POTEG: variants seen among roughly 807,000 people sequenced by gnomAD.
POTEG encodes the protein POTE ankyrin domain family member G, also known as ANKRD26-like family C member 2.
In POTEG, 2 loss-of-function variants were observed where a neutral mutation model predicts 49.6. The observed-to-expected ratio is 0.04, with a 90% CI of 0.02 to 0.13. POTEG has a LOEUF of 0.13. POTEG is among the 10% of genes least tolerant of loss of function. The probability of loss-of-function intolerance (pLI) is 1.00; values close to 1 mark genes in which losing one functional copy is unlikely to be tolerated. For missense variants in POTEG, 26 were observed against 545.2 expected (o/e 0.05, Z 9.48); for synonymous variants, 7 against 186.6 (o/e 0.04, Z 7.84).
At chr14:19,432,431 C>CGT (rs1491238441) in intron 1 of POTEG, among the ~76,000 whole-genome samples, 1 of 19,302 alleles carries the variant, frequency 5.2e-5, no homozygotes, top group African/African-American at 2.2e-4. Context: ...TATGTATATA[C>CGT]GTATATATAT....
intron 1 of POTEG, among the ~76,000 whole-genome samples, chr14:19,432,400 A>C (rs1884180331): frequency 1.1e-5 from 1 of 91,870 alleles, no homozygotes. Context: ...ATATATATAT[A>C]TATACACACA....
chr14:19,406,656 C>T (rs1883302271), intron 9 of POTEG, among the ~76,000 whole-genome samples: 1 of 150,260 alleles, frequency 6.7e-6, no homozygotes, highest in Admixed American at 6.7e-5. Flanking sequence ...ACAACCTATA[C>T]AATGGGAAGA....
At chr14:19,407,254 ATATATATATCACATATACGTATGTGTG>A in intron 9 of POTEG, among the ~76,000 whole-genome samples, 1 of 139,276 alleles carries the variant, frequency 7.2e-6, no homozygotes, top group South Asian at 2.4e-4. Flanking sequence ...CTCACATCAC[ATATATATATCACATATACGTATGTGTG>A]TATATACACT....
chr14:19,415,519 T>C (rs1883519753), intron 7 of POTEG, among the ~76,000 whole-genome samples: 1 of 148,008 alleles, frequency 6.8e-6, no homozygotes, highest in African/African-American at 2.4e-5. Flanking sequence ...GGACCATCAG[T>C]GTTACATTGT....
chr14:19,425,535 C>A, intron 4 of POTEG, 71 bp downstream of exon 4: 1 of 614,068 alleles, frequency 1.6e-6, no homozygotes, highest in East Asian at 5.5e-5. Context: ...ATACATTAAT[C>A]TTATTTAATA....
chr14:19,432,566 T>C (rs1884207174), intron 1 of POTEG, among the ~76,000 whole-genome samples: 1 of 86,382 alleles, frequency 1.2e-5, no homozygotes, highest in Non-Finnish European at 2.3e-5. Flanking sequence ...TTTTAATCTA[T>C]ACTCTGATTT....
At chr14:19,432,401 TATAC>T (rs1256071777) in intron 1 of POTEG, among the ~76,000 whole-genome samples, 9 of 69,366 alleles carry the variant, frequency 1.3e-4, no homozygotes, top group Non-Finnish European at 2.1e-4. Flanking sequence ...TATATATATA[TATAC>T]ACACACATGT....
At chr14:19,424,844 T>TA in intron 4 of POTEG, 3 of 43,500 alleles carry the variant, frequency 6.9e-5, no homozygotes, top group Non-Finnish European at 1.8e-4. Context: ...TTCTCCTAAT[T>TA]TTCATATATG....
chr14:19,415,151 A>G (rs1245677414), intron 7 of POTEG, among the ~76,000 whole-genome samples: 1 of 144,966 alleles, frequency 6.9e-6, no homozygotes, highest in East Asian at 2.0e-4. Flanking sequence ...ATTTTAATTG[A>G]AATTATATAC....
intron 6 of POTEG, among the ~76,000 whole-genome samples, chr14:19,418,849 G>A (rs1330678510): frequency 1.3e-4 from 4 of 29,708 alleles, no homozygotes; most frequent in South Asian, 3.9e-3. Context: ...TCATATTGAC[G>A]ATACCTCTCT....
Position 19,425,590 on chromosome 14 carries a change from A to G in POTEG, c.917+16T>C. 2.8e-6 allele frequency: 2 copies of G among 715,854 alleles called. No homozygotes were observed. Among genetic ancestry groups the G allele is most frequent in the African/African-American group, 3.8e-5 (2 of 53,322 alleles). 44.3% of individuals were successfully genotyped at this position (715,854 alleles called of 1,614,324 possible). ...CTATCCATCTGGAACACACAGATTA[A>G]AAGAAAGAACTATACCTTCCATATC... On this transcript the variant is annotated intron_variant, in intron 4 of 10. Coordinates refer to ENST00000547848, the MANE Select transcript of POTEG (RefSeq NM_001005356.3).
intron 1 of POTEG, among the ~76,000 whole-genome samples, chr14:19,433,231 A>G (rs1884234991): frequency 7.2e-6 from 1 of 139,368 alleles, no homozygotes; most frequent in Admixed American, 7.6e-5. Flanking sequence ...CCAGCCAAAA[A>G]GCTCACATCT....
chr14:19,418,977 T>A (rs1285107785), intron 6 of POTEG, among the ~76,000 whole-genome samples: 12 of 78,972 alleles, frequency 1.5e-4, no homozygotes, highest in African/African-American at 2.5e-4. Context: ...AAAATTAAGC[T>A]AAACAAATGA....
chr14:19,410,017 CA>C (rs1477399963), intron 9 of POTEG, among the ~76,000 whole-genome samples: 1 of 126,414 alleles, frequency 7.9e-6, no homozygotes, highest in African/African-American at 2.6e-5. Flanking sequence ...GACACATACT[CA>C]GCGTGAAATG....
intron 7 of POTEG, among the ~76,000 whole-genome samples, chr14:19,415,383 C>A (rs1260524612): frequency 2.8e-5 from 4 of 144,802 alleles, no homozygotes; most frequent in Non-Finnish European, 6.2e-5. Context: ...TGACCTGGTT[C>A]CCTCCCTGAA....
chr14:19,415,744 T>C (rs1169147973), intron 7 of POTEG, among the ~76,000 whole-genome samples: 1 of 152,050 alleles, frequency 6.6e-6, no homozygotes, highest in African/African-American at 2.4e-5. Context: ...TGAAGTTAAA[T>C]ATCAAATATT....
intron 7 of POTEG, among the ~76,000 whole-genome samples, chr14:19,415,361 G>A (rs1366796316): frequency 6.9e-6 from 1 of 144,298 alleles, no homozygotes; most frequent in Admixed American, 6.9e-5. Context: ...ATAGGCAGTT[G>A]GGTTGCTTTT....
chr14:19,432,403 T>TACATACACACAC (rs1555310382), intron 1 of POTEG, among the ~76,000 whole-genome samples: 1 of 44,730 alleles, frequency 2.2e-5, no homozygotes, highest in African/African-American at 8.5e-5. Context: ...TATATATATA[T>TACATACACACAC]ACACACACAT....
intron 9 of POTEG, among the ~76,000 whole-genome samples, chr14:19,408,940 A>AAATATACAAATATAC (rs1883366767): frequency 2.6e-5 from 4 of 151,010 alleles, no homozygotes; most frequent in African/African-American, 9.7e-5. Context: ...GATTACCAGT[A>AAATATACAAATATAC]AAAGAATAGT....
Sources: allele counts gnomAD v4.1 joint callset (sites outside exome capture counted in the v4.1 genomes callset), GRCh38; gene constraint gnomAD v4.1.1; transcripts MANE v1.5; gene names NCBI Gene and HGNC (gene_info 2026-07-23, HGNC 2026-07-21).